RAB27B: variants seen among roughly 807,000 people sequenced by gnomAD.
RAB27B encodes the protein ras-related protein Rab-27B.
A neutral mutation model predicts 24.6 loss-of-function variants in RAB27B; 15 were observed. That is an observed-to-expected ratio of 0.61 (90% confidence interval 0.41 to 0.94). The LOEUF (loss-of-function observed/expected upper bound fraction) is 0.94. Among genes scored for constraint, RAB27B ranks in the 40% least tolerant of loss-of-function variants. The pLI, the probability that RAB27B is intolerant of heterozygous loss-of-function variation, is 0.00. For missense variants in RAB27B, 261 were observed against 266.8 expected (o/e 0.98, Z 0.15); for synonymous variants, 105 against 92.5 (o/e 1.14, Z -0.78).
chr18:54,770,598 G>C (rs1908513125), intron 2 of RAB27B, among the ~76,000 whole-genome samples: 1 of 151,936 alleles, frequency 6.6e-6, no homozygotes, highest in Non-Finnish European at 1.5e-5. Context: ...AAATGTAATG[G>C]ACTTGAGTCA....
intron 2 of RAB27B, among the ~76,000 whole-genome samples, chr18:54,737,251 A>G (rs1239867885): frequency 1.3e-5 from 2 of 152,180 alleles, no homozygotes; most frequent in Non-Finnish European, 2.9e-5. Flanking sequence ...TGGATGGGTT[A>G]AGAGTTAAAT....
chr18:54,765,451 G>A (rs9963063), intron 2 of RAB27B, among the ~76,000 whole-genome samples: 3 of 152,266 alleles, frequency 2.0e-5, no homozygotes, highest in Admixed American at 2.0e-4. Context: ...TCCTTCATTT[G>A]TTAAGCAAAT....
At chr18:54,830,581 T>A (rs1308587346) in intron 1 of RAB27B, among the ~76,000 whole-genome samples, 1 of 152,206 alleles carries the variant, frequency 6.6e-6, no homozygotes, top group African/African-American at 2.4e-5. Context: ...AATATGTCAC[T>A]TTCTAAAGAT....
chr18:54,774,077 C>T (rs191049781), intron 2 of RAB27B, among the ~76,000 whole-genome samples: 18 of 152,214 alleles, frequency 1.2e-4, no homozygotes, highest in African/African-American at 2.9e-4. Context: ...TAACCAGAGA[C>T]GCCTTCAAGA....
intron 2 of RAB27B, among the ~76,000 whole-genome samples, chr18:54,780,222 C>T (rs1295744157): frequency 6.9e-6 from 1 of 144,030 alleles, no homozygotes; most frequent in African/African-American, 2.7e-5. Context: ...CGTGTCTCCC[C>T]TCTCCAGACA....
intron 1 of RAB27B, among the ~76,000 whole-genome samples, chr18:54,855,732 T>G (rs570195122): frequency 6.6e-6 from 1 of 152,358 alleles, no homozygotes; most frequent in South Asian, 2.1e-4. Context: ...AAGTATATAC[T>G]CATTCATCAG....
chr18:54,822,889 G>A (rs1234247219), intron 2 of RAB27B, among the ~76,000 whole-genome samples: 34 of 151,840 alleles, frequency 2.2e-4, no homozygotes, highest in Admixed American at 2.2e-3. Flanking sequence ...AAATTATTTG[G>A]GCCTTTCCCA....
chr18:54,771,018 ATGAACAGATG>A (rs1908530298), intron 2 of RAB27B, among the ~76,000 whole-genome samples: 1 of 152,174 alleles, frequency 6.6e-6, no homozygotes. Flanking sequence ...GTGGCTAGAC[ATGAACAGATG>A]TGTATTTTGA....
chr18:54,752,193 G>A (rs918541642), intron 2 of RAB27B, among the ~76,000 whole-genome samples: 2 of 152,166 alleles, frequency 1.3e-5, no homozygotes, highest in Admixed American at 1.3e-4. Flanking sequence ...AAAATTGTAA[G>A]CTGACAATTT....
chr18:54,820,786 T>C (rs543555906), intron 2 of RAB27B, among the ~76,000 whole-genome samples: 27 of 152,340 alleles, frequency 1.8e-4, no homozygotes, highest in South Asian at 2.1e-4. Context: ...CTTGAATTAA[T>C]TTTTGCATAA....
At chr18:54,831,082 G>C (rs1436091739) in intron 1 of RAB27B, among the ~76,000 whole-genome samples, 1 of 152,108 alleles carries the variant, frequency 6.6e-6, no homozygotes, top group Non-Finnish European at 1.5e-5. Context: ...AGATAAGCAG[G>C]GTGAGTCTAT....
upstream of RAB27B, among the ~76,000 whole-genome samples, chr18:54,827,769 T>G (rs1405655541): frequency 6.6e-6 from 1 of 152,226 alleles, no homozygotes; most frequent in Non-Finnish European, 1.5e-5. Context: ...TTACCTTTAC[T>G]ACCAGTCTGT....
intron 2 of RAB27B, among the ~76,000 whole-genome samples, chr18:54,772,020 A>G (rs925477266): frequency 1.3e-5 from 2 of 152,156 alleles, no homozygotes; most frequent in Non-Finnish European, 1.5e-5. Flanking sequence ...CTACACAAAC[A>G]CACTGGTTTA....
chr18:54,756,130 A>G (rs553110899), intron 2 of RAB27B, among the ~76,000 whole-genome samples: 60 of 152,348 alleles, frequency 3.9e-4, no homozygotes, highest in African/African-American at 1.4e-3. Flanking sequence ...CTGAAAAAGT[A>G]TGAGGTGATA....
rs35735191 is a variant in RAB27B at position 54,850,333 on chromosome 18, GATATATATATATAT to G, written c.-20+21647_-20+21660del. The stretch of plus-strand genomic sequence containing the variant: ...TATTTATTTAAAAGCAAACAAACAG[GATATATATATATAT>G]ATATATATATATACATACATACATA... On this transcript the variant is annotated intron_variant, in intron 1 of 5. Coordinates refer to ENST00000262094, the MANE Select transcript of RAB27B (RefSeq NM_004163.4). Among the ~76,000 whole-genome samples the G allele has an allele frequency of 2.8e-3, 262 of 95,176 alleles. 14 individuals carry two copies. Among genetic ancestry groups the G allele is most frequent in the African/African-American group, 0.012 (248 of 21,370 alleles). The allele number at this position is 95,176 out of a possible 152,430, so 62.4% of individuals were successfully genotyped here.
At chr18:54,795,979 A>G (rs1909404458) in intron 2 of RAB27B, among the ~76,000 whole-genome samples, 1 of 152,192 alleles carries the variant, frequency 6.6e-6, no homozygotes, top group African/African-American at 2.4e-5. Context: ...CCGTGAAGCC[A>G]TCACAATAAT....
rs1388259313 is a variant in RAB27B at position 54,725,872 on chromosome 18, G to A, written c.-20+7731G>A. On this transcript the variant is annotated intron_variant, in intron 2 of 4. Transcript: ENST00000586570. Reference sequence around the variant, plus strand: ...AAAATCATGTCATAGTCTATGCAATGTGTTCATAAACACTAGCTTATAGAA... The same window carrying A: ...AAAATCATGTCATAGTCTATGCAATATGTTCATAAACACTAGCTTATAGAA... Among the ~76,000 whole-genome samples the A allele has an allele frequency of 4.6e-5, 7 of 151,636 alleles. No homozygotes were observed. In the East Asian group the frequency reaches 1.4e-3, roughly 29 times the overall value.
At chr18:54,861,388 A>G (rs925442740) in intron 1 of RAB27B, among the ~76,000 whole-genome samples, 1 of 152,244 alleles carries the variant, frequency 6.6e-6, no homozygotes, top group Non-Finnish European at 1.5e-5. Flanking sequence ...ATAACTCTAC[A>G]GAGAAAAGGG....
chr18:54,846,857 T>C (rs1180031087), intron 1 of RAB27B, among the ~76,000 whole-genome samples: 1 of 152,150 alleles, frequency 6.6e-6, no homozygotes, highest in African/African-American at 2.4e-5. Context: ...TGTTTGTTTG[T>C]TTGTTTGTTT....
Sources: gnomAD v4.1 joint callset for allele counts (sites outside exome capture counted in the v4.1 genomes callset) on GRCh38, gnomAD v4.1.1 for gene constraint, MANE v1.5 for transcripts, NCBI Gene and HGNC (gene_info 2026-07-23, HGNC 2026-07-21) for gene names.